The following SLC13A1 variants were observed in gnomAD, a reference collection of about 807,000 sequenced individuals.
The protein encoded by SLC13A1 is Na(+)/sulfate cotransporter.
Under a neutral mutation model 70.0 loss-of-function variants are expected in SLC13A1, and 65 were observed. That is an observed-to-expected ratio of 0.93 (90% CI 0.76 to 1.14). SLC13A1 has a LOEUF of 1.14. Among genes scored for constraint, SLC13A1 ranks in the 50% most tolerant of loss-of-function variants. The pLI is 0.00. For missense variants in SLC13A1, 726 were observed against 717.8 expected (o/e 1.01, Z -0.13); for synonymous variants, 275 against 250.5 (o/e 1.10, Z -0.92).
chr7:123,166,887 A>G (rs956412095), intron 6 of SLC13A1, among the ~76,000 whole-genome samples: 7 of 152,216 alleles, frequency 4.6e-5, no homozygotes, highest in African/African-American at 1.7e-4. Flanking sequence ...GGCGAAGGAT[A>G]TGAACAGACA....
At chr7:123,117,780 T>C (rs772291757) in intron 13 of SLC13A1, among the ~76,000 whole-genome samples, 172 bp from the exon 14 acceptor site, 5 of 152,082 alleles carry the variant, frequency 3.3e-5, no homozygotes, top group Non-Finnish European at 5.9e-5. Context: ...AAATATCTCA[T>C]CCTCTTGTTG....
intron 1 of SLC13A1, among the ~76,000 whole-genome samples, chr7:123,196,336 A>G (rs779609102): frequency 9.2e-5 from 14 of 152,250 alleles, no homozygotes; most frequent in Non-Finnish European, 1.5e-4. Flanking sequence ...TCAATAAGAA[A>G]ATGGAATTGC....
At position 123,128,939 on chromosome 7, in the gene SLC13A1, C is replaced by A. The variant is rs1268991350; in HGVS notation, c.1039G>T (p.Glu347Ter). 1 of 1,610,486 alleles carries A rather than the reference C, an allele frequency of 6.2e-7. No homozygotes were observed. The highest frequency in any genetic ancestry group is 8.5e-7 in the Non-Finnish European group (1 of 1,177,150). The change falls in exon 10 of 15, where the codon GAA becomes TAA. Residue 347 changes from glutamate to a stop codon, truncating the protein, a stop_gained. Transcript: ENST00000194130. LOFTEE classifies it high-confidence loss of function. ...ATGAAGAGGACCAAGGTCACAATTT[C>A]TTGATACCTGTGGAAAAATTCCAAT... ...YQKLGPIRYQ[E>*]IVTLVLFIIM...
intron 13 of SLC13A1, 42 bp downstream of exon 13, chr7:123,119,039 G>A: frequency 6.4e-7 from 1 of 1,556,670 alleles, no homozygotes; most frequent in Non-Finnish European, 8.8e-7. Flanking sequence ...GCAGAGTACT[G>A]CTCTTAATGA....
Position 123,168,399 on chromosome 7 carries a change from A to G in SLC13A1, c.635T>C (p.Ile212Thr), listed in dbSNP as rs1795140798. ...CTTTTCCAACTCCACCTTGCTTGAA[A>G]TTTTCCCTGTATCATTATTGTATCT... ...VPGYNNDTGK[I>T]SSKVELEKNS... Residue 212 changes from isoleucine to threonine, a missense_variant, in exon 6 of 15, where the codon ATT becomes ACT. By Grantham distance (89) the Ile-to-Thr change is moderately conservative. Transcript: ENST00000194130. 6.3e-7 allele frequency: 1 copy of G among 1,590,090 alleles called. No homozygotes were observed. The highest frequency in any genetic ancestry group is 1.3e-5 in the African/African-American group (1 of 74,366).
intron 1 of SLC13A1, among the ~76,000 whole-genome samples, chr7:123,182,030 C>T (rs1350558005): frequency 6.6e-6 from 1 of 152,136 alleles, no homozygotes; most frequent in Non-Finnish European, 1.5e-5. Context: ...CCCTACACTT[C>T]CAGTGCATTT....
chr7:123,157,660 T>C (rs895507663), intron 6 of SLC13A1, among the ~76,000 whole-genome samples: 8 of 152,204 alleles, frequency 5.3e-5, no homozygotes, highest in African/African-American at 1.7e-4. Flanking sequence ...TATAATAACA[T>C]AGCATATTTT....
At chr7:123,152,519 A>G (rs2116452691) in intron 6 of SLC13A1, among the ~76,000 whole-genome samples, 1 of 152,248 alleles carries the variant, frequency 6.6e-6, no homozygotes, top group South Asian at 2.1e-4. Context: ...AAGAAATGCC[A>G]TCTTCCATAC....
At chr7:123,146,720 A>T (rs1156282355) in intron 7 of SLC13A1, among the ~76,000 whole-genome samples, 1 of 152,252 alleles carries the variant, frequency 6.6e-6, no homozygotes, top group Non-Finnish European at 1.5e-5. Context: ...TCAATCTTTC[A>T]AATCTTTTTT....
intron 8 of SLC13A1, among the ~76,000 whole-genome samples, chr7:123,133,951 C>T (rs1793858687): frequency 3.3e-5 from 5 of 152,186 alleles, no homozygotes; most frequent in Admixed American, 2.0e-4. Context: ...AATCCTTCCA[C>T]CTCAGCCTCT....
rs201643225 is a variant in SLC13A1 at position 123,198,391 on chromosome 7, GTTA to G, written c.99+1454_99+1456del. Among the ~76,000 whole-genome samples the G allele has an allele frequency of 1.3e-4, 20 of 151,694 alleles. No homozygotes were observed. In the East Asian group the frequency reaches 3.7e-3, roughly 28 times the overall value. ...CAAAAACAGCTGACAAGGTCTTTTAGTTATTATTATTATTTACAAATTCTGTAC... is the reference window on the plus strand; with the variant it reads ...CAAAAACAGCTGACAAGGTCTTTTAGTTATTATTATTTACAAATTCTGTAC... On this transcript the variant is annotated intron_variant, in intron 1 of 14. Coordinates refer to ENST00000194130, the MANE Select transcript of SLC13A1 (RefSeq NM_022444.4).
intron 1 of SLC13A1, among the ~76,000 whole-genome samples, chr7:123,187,596 A>G (rs1415563682): frequency 6.6e-6 from 1 of 152,080 alleles, no homozygotes; most frequent in Non-Finnish European, 1.5e-5. Context: ...CTTTCCATTC[A>G]TGTTTTTGTG....
intron 8 of SLC13A1, among the ~76,000 whole-genome samples, chr7:123,132,459 C>T (rs911383756): frequency 8.5e-5 from 13 of 152,086 alleles, no homozygotes; most frequent in African/African-American, 2.9e-4. Flanking sequence ...GCAACCTCCG[C>T]CTCCCAGGTT....
chr7:123,183,968 C>T (rs1215779999), intron 1 of SLC13A1, among the ~76,000 whole-genome samples: 1 of 152,050 alleles, frequency 6.6e-6, no homozygotes, highest in Non-Finnish European at 1.5e-5. Flanking sequence ...CTAGGAGTCC[C>T]AGTGGATTAT....
intron 13 of SLC13A1, among the ~76,000 whole-genome samples, 176 bp from the exon 14 acceptor site, chr7:123,117,784 CTTG>C (rs569877385): frequency 3.2e-4 from 48 of 151,932 alleles, no homozygotes; most frequent in African/African-American, 8.0e-4. Context: ...ATCTCATCCT[CTTG>C]TTGTTGATAC....
At chr7:123,136,117 C>A (rs1793940962) in intron 7 of SLC13A1, among the ~76,000 whole-genome samples, 1 of 152,090 alleles carries the variant, frequency 6.6e-6, no homozygotes, top group Admixed American at 6.5e-5. Flanking sequence ...AGGTTTAGAC[C>A]CATGTCCTCA....
intron 7 of SLC13A1, among the ~76,000 whole-genome samples, chr7:123,141,795 T>A (rs1794159605): frequency 6.6e-6 from 1 of 152,162 alleles, no homozygotes; most frequent in South Asian, 2.1e-4. Context: ...TTTCTATCTC[T>A]TTATTTTCAG....
At chr7:123,152,151 A>G (rs1004605361) in intron 6 of SLC13A1, among the ~76,000 whole-genome samples, 6 of 152,108 alleles carry the variant, frequency 3.9e-5, no homozygotes, top group African/African-American at 1.4e-4. Context: ...TGCTGTGTAT[A>G]GGAGAGTTCT....
intron 1 of SLC13A1, among the ~76,000 whole-genome samples, chr7:123,193,452 C>T (rs1314849667): frequency 6.6e-6 from 1 of 152,182 alleles, no homozygotes; most frequent in African/African-American, 2.4e-5. Context: ...CCAATTATTT[C>T]TTACTTATAC....
Sources: gnomAD v4.1 joint callset for allele counts (sites outside exome capture counted in the v4.1 genomes callset) on GRCh38, gnomAD v4.1.1 for gene constraint, MANE v1.5 for transcripts, NCBI Gene and HGNC (gene_info 2026-07-23, HGNC 2026-07-21) for gene names.